The following GPHN variants were observed in gnomAD, a reference collection of about 807,000 sequenced individuals.
The protein encoded by GPHN is gephyrin.
Under a neutral mutation model 95.5 loss-of-function variants are expected in GPHN, and 17 were observed. That is an observed-to-expected ratio of 0.18 (90% confidence interval 0.12 to 0.27). The LOEUF (loss-of-function observed/expected upper bound fraction) is 0.27. GPHN is among the 10% of genes least tolerant of loss of function. The probability of loss-of-function intolerance (pLI) is 1.00; values close to 1 mark genes in which losing one functional copy is unlikely to be tolerated. For synonymous variants in GPHN, 320 were observed against 322.5 expected (o/e 0.99, Z 0.08); for missense variants, 660 against 978.1 (o/e 0.67, Z 4.34).
chr14:67,673,354 AT>A, the GPHN span, among the ~76,000 whole-genome samples: 1 of 152,090 alleles, frequency 6.6e-6, no homozygotes, highest in Non-Finnish European at 1.5e-5. Context: ...AAAAAAAAAA[AT>A]GATAAATAAT....
the GPHN span, among the ~76,000 whole-genome samples, chr14:67,491,043 C>G: frequency 7.9e-5 from 12 of 152,188 alleles, no homozygotes; most frequent in African/African-American, 2.9e-4. Context: ...ACAAGACTGC[C>G]CCCACTTCAG....
chr14:67,397,942 A>G, the GPHN span: 2 of 769,982 alleles, frequency 2.6e-6, no homozygotes, highest in Non-Finnish European at 4.1e-6. Flanking sequence ...TCAGTCTCCA[A>G]GGAAGACAGC....
At chr14:67,452,049 C>T in the GPHN span, among the ~76,000 whole-genome samples, 157 of 152,192 alleles carry the variant, frequency 1.0e-3, 5 homozygotes, top group South Asian at 0.03. Context: ...ACGGGAGTTT[C>T]GGCTGGGCAT....
chr14:66,829,284 C>T (rs1409449491), intron 4 of GPHN, among the ~76,000 whole-genome samples: 1 of 151,808 alleles, frequency 6.6e-6, no homozygotes, highest in Admixed American at 6.6e-5. Flanking sequence ...GACAGGGTTT[C>T]GCCACATTGG....
At chr14:66,933,986 A>G (rs190702199) in intron 8 of GPHN, among the ~76,000 whole-genome samples, 1 of 152,128 alleles carries the variant, frequency 6.6e-6, no homozygotes, top group East Asian at 1.9e-4. Flanking sequence ...TGAAAAATAA[A>G]AAATTAGCCA....
At chr14:67,048,852 C>T (rs1408444737) in intron 10 of GPHN, among the ~76,000 whole-genome samples, 3 of 152,068 alleles carry the variant, frequency 2.0e-5, no homozygotes, top group African/African-American at 7.2e-5. Flanking sequence ...AAGCTAATGC[C>T]CTCGCAGATT....
the GPHN span, among the ~76,000 whole-genome samples, chr14:67,191,462 A>G: frequency 6.6e-6 from 1 of 152,194 alleles, no homozygotes; most frequent in Non-Finnish European, 1.5e-5. Context: ...CAGTCAGAAA[A>G]GCCAACCAAG....
the GPHN span, among the ~76,000 whole-genome samples, chr14:67,197,954 C>A: frequency 6.6e-6 from 1 of 152,226 alleles, no homozygotes; most frequent in South Asian, 2.1e-4. Context: ...AGAGTGTAAG[C>A]TGAATGAGGG....
At chr14:66,743,745 A>C (rs981318661) in intron 2 of GPHN, among the ~76,000 whole-genome samples, 14 of 152,160 alleles carry the variant, frequency 9.2e-5, no homozygotes, top group African/African-American at 1.2e-4. Context: ...CCATCTCAAA[A>C]AACAACAACA....
the GPHN span, among the ~76,000 whole-genome samples, chr14:67,530,345 C>G: frequency 6.6e-6 from 1 of 152,186 alleles, no homozygotes; most frequent in African/African-American, 2.4e-5. Flanking sequence ...GCCCCAAGGT[C>G]CCACCACCAC....
At chr14:66,583,787 G>A (rs990781454) in intron 1 of GPHN, among the ~76,000 whole-genome samples, 14 of 152,076 alleles carry the variant, frequency 9.2e-5, no homozygotes, top group South Asian at 4.2e-4. Context: ...TGGTTACTGT[G>A]TCCTTGTAGT....
At chr14:67,309,710 A>T in the GPHN span, among the ~76,000 whole-genome samples, 2 of 152,184 alleles carry the variant, frequency 1.3e-5, no homozygotes, top group Admixed American at 1.3e-4. Context: ...GTAGTTCCCT[A>T]AGATTGCTGT....
the GPHN span, among the ~76,000 whole-genome samples, chr14:67,500,633 G>A: frequency 3.4e-5 from 5 of 148,016 alleles, no homozygotes; most frequent in Non-Finnish European, 5.9e-5. Flanking sequence ...GTGCAGTGGC[G>A]CGATCTCGGC....
chr14:67,224,070 AC>A, the GPHN span: 2 of 866,458 alleles, frequency 2.3e-6, no homozygotes, highest in South Asian at 1.1e-4. Flanking sequence ...CTAGTTAGGG[AC>A]CATGATCTCA....
At chr14:66,635,608 T>G (rs1262070223) in intron 1 of GPHN, among the ~76,000 whole-genome samples, 2 of 152,114 alleles carry the variant, frequency 1.3e-5, no homozygotes, top group Non-Finnish European at 2.9e-5. Flanking sequence ...GAAGACAGAC[T>G]CAGTAAGGAA....
chr14:67,541,783 C>A, the GPHN span: 1 of 1,294,200 alleles, frequency 7.7e-7, no homozygotes. Flanking sequence ...CCACAGAACT[C>A]TTCCTCACAC....
At chr14:67,674,276 G>A in the GPHN span, 6 of 1,134,916 alleles carry the variant, frequency 5.3e-6, no homozygotes, top group African/African-American at 1.6e-5. Context: ...GACGCGGAGG[G>A]AGGAGACGCG....
intron 5 of GPHN, among the ~76,000 whole-genome samples, chr14:66,914,989 T>C (rs1440291675): frequency 6.6e-6 from 1 of 152,120 alleles, no homozygotes. Flanking sequence ...TTAAAGTTTT[T>C]AATGAAATAA....
chr14:66,747,213 C>T (rs1325187331), intron 2 of GPHN, among the ~76,000 whole-genome samples: 1 of 152,098 alleles, frequency 6.6e-6, no homozygotes, highest in Non-Finnish European at 1.5e-5. Context: ...GTTGAATTAG[C>T]ATGAGATAAA....
Sources: allele counts gnomAD v4.1 joint callset (sites outside exome capture counted in the v4.1 genomes callset), GRCh38; gene constraint gnomAD v4.1.1; transcripts MANE v1.5; gene names NCBI Gene and HGNC (gene_info 2026-07-23, HGNC 2026-07-21).